The following FOXM1 variants were observed in gnomAD, a reference collection of about 807,000 sequenced individuals.
The protein encoded by FOXM1 is forkhead box protein M1.
In FOXM1, 25 loss-of-function variants were observed where a neutral mutation model predicts 63.6. The ratio of observed to expected loss-of-function variants is 0.39; its 90% CI spans 0.29 to 0.55. The LOEUF (loss-of-function observed/expected upper bound fraction) is 0.55. Ranked by LOEUF, FOXM1 falls within the 20% of genes least tolerant of loss-of-function variation. The pLI is 0.60. For synonymous variants in FOXM1, 387 were observed against 376.9 expected, an observed-to-expected ratio of 1.03 and a Z score of -0.31; for missense variants, 879 against 958.7, an observed-to-expected ratio of 0.92 and a Z score of 1.10.
At position 2,872,251 on chromosome 12, in the gene FOXM1, G is replaced by C. The variant is rs1341000719; in HGVS notation, c.503-4C>G. On this transcript the variant is annotated splice_polypyrimidine_tract_variant and splice_region_variant and intron_variant, in intron 2 of 8. Transcript: ENST00000359843. The surrounding 1 kb of genome is among the most constrained non-coding windows in gnomAD (Gnocchi z 4.0). ...CAGCCTGCTGCCTCACCATCTGCTA[G>C]AGGGAAAATAATCCAACACCCCACT... is the stretch of plus-strand genomic sequence containing the variant. 5.0e-6 allele frequency: 8 copies of C among 1,613,870 alleles called. No homozygotes were observed. The African/African-American group carries it at 9.3e-5, about 19-fold the overall frequency.
intron 8 of FOXM1, among the ~76,000 whole-genome samples, chr12:2,863,534 A>G (rs181657306): frequency 1.3e-5 from 2 of 151,222 alleles, no homozygotes; most frequent in East Asian, 3.9e-4. Context: ...TACCACAGGC[A>G]TGTACTACCA....
chr12:2,866,001 C>T (rs970510424), intron 5 of FOXM1, among the ~76,000 whole-genome samples: 4 of 152,100 alleles, frequency 2.6e-5, no homozygotes, highest in Non-Finnish European at 5.9e-5. Context: ...TTGTAAGAAT[C>T]ACCTGAGATG....
chr12:2,866,537 G>A lies in FOXM1; in HGVS notation c.847-16C>T, dbSNP rs1438848893. On this transcript the variant is annotated splice_polypyrimidine_tract_variant and intron_variant, in intron 4 of 8. Coordinates refer to ENST00000359843, the MANE Select transcript of FOXM1 (RefSeq NM_021953.4). The stretch of plus-strand genomic sequence containing the variant: ...GGATGGAGTTCTGGAAGAAGAGCAA[G>A]ACAACTGGTTATCAGCTACTTTAGA... 1.7e-5 allele frequency: 26 copies of A among 1,509,066 alleles called. No individual in the cohort carries two copies. In the South Asian group the frequency reaches 3.3e-4, roughly 19 times the overall value. The allele number at this position is 1,509,066 out of a possible 1,614,324, so 93.5% of individuals were successfully genotyped here.
At chr12:2,870,531 C>T (rs879835711) in intron 3 of FOXM1, among the ~76,000 whole-genome samples, 5 of 151,614 alleles carry the variant, frequency 3.3e-5, no homozygotes, top group Admixed American at 6.6e-5. Context: ...GGCGTGGTGG[C>T]GGGCGCCTAT....
rs1565461828 is a variant in FOXM1 at position 2,859,464 on chromosome 12, G to A, written c.1466C>T (p.Ser489Phe). The A allele has an allele frequency of 3.7e-6, 6 of 1,613,918 alleles. No individual in the cohort carries two copies. In the East Asian group the frequency reaches 6.7e-5, roughly 18 times the overall value. Reference protein sequence around the residue: ...VESPPLEEWPSPAPSFKEESS... With the variant: ...VESPPLEEWPFPAPSFKEESS... ...TTCCTCTTTGAAAGATGGGGCCGGG[G>A]AGGGCCACTCTTCCAAGGGAGGGCT... The change falls in exon 9 of 9, where the codon TCC becomes TTC. Residue 489 changes from serine (S) to phenylalanine (F), a missense_variant. By Grantham distance (155) the Ser-to-Phe change is radical. Transcript: ENST00000359843.
intron 2 of FOXM1, among the ~76,000 whole-genome samples, 156 bp downstream of exon 2, chr12:2,873,821 G>A (rs1603501966): frequency 6.6e-6 from 1 of 151,764 alleles, no homozygotes; most frequent in Admixed American, 6.6e-5. Flanking sequence ...CAAGTGATCC[G>A]CCCGCCTCAG....
chr12:2,858,406 T>G lies in FOXM1; in HGVS notation c.*232A>C, dbSNP rs1387886359. ...CTCTTTTCACCATTGCCTTTGTTGT[T>G]CCCACCCTTCAGCTCCTGGCAGGGA... On this transcript the variant is annotated 3_prime_UTR_variant, in exon 9 of 9. Coordinates refer to ENST00000359843, the MANE Select transcript of FOXM1 (RefSeq NM_021953.4). The G allele has an allele frequency of 1.9e-6, 1 of 513,040 alleles. No individual in the cohort carries two copies. The highest frequency in any genetic ancestry group is 1.9e-5 in the African/African-American group (1 of 52,780). The allele number at this position is 513,040 out of a possible 1,614,324, so 31.8% of individuals were successfully genotyped here.
chr12:2,873,590 T>TTA (rs913491829), intron 2 of FOXM1, among the ~76,000 whole-genome samples: 4 of 151,470 alleles, frequency 2.6e-5, no homozygotes, highest in African/African-American at 9.7e-5. Context: ...ATTTTTATTT[T>TTA]TTTTTTTGAG....
chr12:2,862,986 G>A (rs2098116724), intron 8 of FOXM1, among the ~76,000 whole-genome samples: 1 of 152,106 alleles, frequency 6.6e-6, no homozygotes, highest in African/African-American at 2.4e-5. Flanking sequence ...CCCTTTAACA[G>A]TGTTAAGTGC....
intron 8 of FOXM1, chr12:2,861,462 T>C: frequency 1.8e-6 from 1 of 560,912 alleles, no homozygotes; most frequent in East Asian, 3.1e-5. Context: ...TTTTAAAAAA[T>C]TAAGAAGATA....
In FOXM1 at chr12:2,859,158, G is replaced by T; in HGVS notation, c.1772C>A (p.Ser591Tyr). 1 of 1,607,402 alleles carries T rather than the reference G, an allele frequency of 6.2e-7. No homozygotes were observed. Among genetic ancestry groups the T allele is most frequent in the East Asian group, 2.2e-5 (1 of 44,734 alleles). Residue 591 changes from serine to tyrosine, a missense_variant, in exon 9 of 9, where the codon TCC (serine) becomes TAC (tyrosine). By Grantham distance (144) the Ser-to-Tyr change is moderately radical (BLOSUM62 -2). Around this residue, in one of 4 missense-constraint regions of FOXM1, gnomAD observed 486 missense variants for 453.5 expected, o/e 1.07. Transcript: ENST00000359843. ...CTTAAAAGGTCCTCCCACTTCCTGG[G>T]AGTAGCTGAGCTGGGAGGCAGGGTC... ...SSDPASQLSY[S>Y]QEVGGPFKTP...
intron 5 of FOXM1, among the ~76,000 whole-genome samples, chr12:2,866,127 G>A (rs1199066793): frequency 1.3e-5 from 2 of 152,172 alleles, no homozygotes; most frequent in Non-Finnish European, 2.9e-5. Flanking sequence ...CATTCACAGG[G>A]AAGTTAGGAA....
In FOXM1 at chr12:2,874,101, T is replaced by G; in HGVS notation, c.378A>C (p.Gln126His). ...CTGTCCTTTTGGCATCATAGCTGGT[T>G]TGGGTTTGAGGCCGGAGTCCTGGAG... ...TQPPGLRPQT[Q>H]TSYDAKRTEV... The change falls in exon 2 of 9, where the codon CAA (glutamine) becomes CAC (histidine). Residue 126 changes from glutamine to histidine, a missense_variant. This residue lies in a region of FOXM1 where 255 missense variants were observed against 292.4 expected (regional missense o/e 0.87). Coordinates refer to ENST00000359843, the MANE Select transcript of FOXM1 (RefSeq NM_021953.4). This position sits in a 1 kb window ranked among gnomAD's most constrained non-coding sequence, Gnocchi z 4.3. 1 of 1,614,078 alleles carries G rather than the reference T, an allele frequency of 6.2e-7. No individual in the cohort carries two copies. The highest frequency in any genetic ancestry group is 8.5e-7 in the Non-Finnish European group (1 of 1,180,020).
At position 2,864,760 on chromosome 12, in the gene FOXM1, T is replaced by C. The variant is rs1390846957; in HGVS notation, c.1021-8A>G. On this transcript the variant is annotated splice_region_variant and splice_polypyrimidine_tract_variant and intron_variant, in intron 6 of 8. Transcript: ENST00000359843. This position sits in a 1 kb window ranked among gnomAD's most constrained non-coding sequence, Gnocchi z 5.1. ...ATTCGGTCGTTTCTGCTGCTGCTTG[T>C]GGCAGATGGGGAGAGAAAGAAACCT... 6.2e-7 allele frequency: 1 copy of C among 1,613,952 alleles called. No individual in the cohort carries two copies. The highest frequency in any genetic ancestry group is 8.5e-7 in the Non-Finnish European group (1 of 1,179,890).
In FOXM1 at chr12:2,872,759, T is replaced by C. The variant is rs2098135332; in HGVS notation, c.503-512A>G. On this transcript the variant is annotated intron_variant, in intron 2 of 8. Coordinates refer to ENST00000359843, the MANE Select transcript of FOXM1 (RefSeq NM_021953.4). This position sits in a 1 kb window ranked among gnomAD's most constrained non-coding sequence, Gnocchi z 4.0. ...GACAAATTTAGGAGCATAGTTCAAATTGCATTTCAAGCTGAGCCACACTGA... is the reference window on the plus strand; with the variant it reads ...GACAAATTTAGGAGCATAGTTCAAACTGCATTTCAAGCTGAGCCACACTGA... Among the ~76,000 whole-genome samples the C allele has an allele frequency of 1.3e-5, 2 of 152,108 alleles. No homozygotes were observed. Among genetic ancestry groups the C allele is most frequent in the African/African-American group, 2.4e-5 (1 of 41,414 alleles).
Position 2,858,567 on chromosome 12 carries a change from G to A in FOXM1, c.*71C>T, listed in dbSNP as rs1603498720. The A allele has an allele frequency of 5.1e-6, 7 of 1,361,446 alleles. No individual in the cohort carries two copies. In the East Asian group the frequency reaches 1.6e-4, roughly 32 times the overall value. 84.3% of individuals were successfully genotyped at this position (1,361,446 alleles called of 1,614,324 possible). On this transcript the variant is annotated 3_prime_UTR_variant, in exon 9 of 9. Transcript: ENST00000359843. ...CCCTGCCTGCTGTCCTCACTCAGAG[G>A]CTTGGGGTGCACTGAGCCTTGGAGT...
chr12:2,869,311 C>T (rs1442283229), intron 3 of FOXM1, among the ~76,000 whole-genome samples: 1 of 152,082 alleles, frequency 6.6e-6, no homozygotes, highest in Non-Finnish European at 1.5e-5. Context: ...ACTGTGTCAC[C>T]CAGGATAGCG....
rs137928577 is a variant in FOXM1 at position 2,868,643 on chromosome 12, G to A, written c.766C>T (p.Arg256Cys). Residue 256 changes from arginine (R) to cysteine (C), a missense_variant, in exon 4 of 9, where the codon CGC (arginine) becomes TGC (cysteine). Transcript: ENST00000359843. ...QFAINSTERKRMTLKDIYTWI... is the reference protein window; with the variant it reads ...QFAINSTERKCMTLKDIYTWI... ...GTATAGATGTCTTTCAAAGTCATGC[G>A]CTTCCTCTCAGTGCTGTTGATGGCG... 115 of 1,613,834 alleles carry A rather than the reference G, an allele frequency of 7.1e-5. No individual in the cohort carries two copies. The highest frequency in any genetic ancestry group is 2.0e-4 in the Admixed American group (12 of 59,970).
chr12:2,864,109 T>C lies in FOXM1; in HGVS notation c.1266+211A>G. Reference sequence around the variant, plus strand: ...TCTGAATTCTTACAAGCTCATCAGGTATTTATGGGCCTTCTGACACCACTT... The same window carrying C: ...TCTGAATTCTTACAAGCTCATCAGGCATTTATGGGCCTTCTGACACCACTT... On this transcript the variant is annotated intron_variant, in intron 8 of 8. Transcript: ENST00000359843. This position sits in a 1 kb window ranked among gnomAD's most constrained non-coding sequence, Gnocchi z 5.1. The C allele has an allele frequency of 1.9e-6, 1 of 534,606 alleles. No homozygotes were observed. The highest frequency in any genetic ancestry group is 3.3e-6 in the Non-Finnish European group (1 of 299,996). 33.1% of individuals were successfully genotyped at this position (534,606 alleles called of 1,614,324 possible).
Sources: gnomAD v4.1 joint callset for allele counts (sites outside exome capture counted in the v4.1 genomes callset) on GRCh38, gnomAD v4.1.1 for gene constraint, gnomAD v4.1.1 regional missense constraint, Gnocchi (gnomAD v3.1) non-coding constraint, MANE v1.5 for transcripts, NCBI Gene and HGNC (gene_info 2026-07-23, HGNC 2026-07-21) for gene names.